The following MCHR2 variants were observed in gnomAD, a reference collection of about 807,000 sequenced individuals.
The protein encoded by MCHR2 is melanin-concentrating hormone receptor 2.
MCHR2 carries 15 observed loss-of-function variants against 24.8 expected under a neutral mutation model. The observed-to-expected ratio is 0.60, with a 90% CI of 0.40 to 0.93. The LOEUF is 0.93. MCHR2 is among the 40% of genes least tolerant of loss of function. The probability of loss-of-function intolerance (pLI) is 0.00; values close to 1 mark genes in which losing one functional copy is unlikely to be tolerated. For synonymous variants in MCHR2, 151 were observed against 147.6 expected (o/e 1.02, Z -0.17); for missense variants, 386 against 408.7 (o/e 0.94, Z 0.48).
chr6:99,992,739 G>A (rs900342281), intron 1 of MCHR2, among the ~76,000 whole-genome samples: 3 of 152,140 alleles, frequency 2.0e-5, no homozygotes, highest in Admixed American at 1.3e-4. Flanking sequence ...GCTAAGAGTC[G>A]AATAACATTG....
chr6:99,989,478 G>A (rs1168495008), intron 1 of MCHR2, among the ~76,000 whole-genome samples: 1 of 152,156 alleles, frequency 6.6e-6, no homozygotes, highest in East Asian at 1.9e-4. Flanking sequence ...CTAAGAGGGT[G>A]AGGATATTGC....
chr6:99,951,446 A>G (rs926172558), intron 2 of MCHR2, among the ~76,000 whole-genome samples: 4 of 152,112 alleles, frequency 2.6e-5, no homozygotes, highest in African/African-American at 9.7e-5. Context: ...CCCTAGATAC[A>G]TAGAGTGACA....
At chr6:99,957,385 G>C (rs1012640713) in intron 1 of MCHR2, among the ~76,000 whole-genome samples, 2 of 152,082 alleles carry the variant, frequency 1.3e-5, no homozygotes, top group East Asian at 3.9e-4. Context: ...TTGAGAGAGA[G>C]ATGTGATTTT....
chr6:99,923,736 C>T (rs984464086), intron 5 of MCHR2, among the ~76,000 whole-genome samples: 5 of 151,860 alleles, frequency 3.3e-5, no homozygotes, highest in East Asian at 1.9e-4. Context: ...AATTTACATA[C>T]GTTGAATCAT....
chr6:99,978,420 G>GGTT (rs575416071), intron 1 of MCHR2, among the ~76,000 whole-genome samples: 1 of 104,192 alleles, frequency 9.6e-6, no homozygotes. Flanking sequence ...GGTCAAGACA[G>GGTT]TTTTTTTTTT....
chr6:99,930,939 T>C (rs1206712109), intron 5 of MCHR2, among the ~76,000 whole-genome samples: 1 of 152,206 alleles, frequency 6.6e-6, no homozygotes, highest in African/African-American at 2.4e-5. Context: ...TTTCCAGTTT[T>C]TCTGCTCTGT....
intron 1 of MCHR2, among the ~76,000 whole-genome samples, chr6:99,977,703 C>G (rs1241367368): frequency 1.3e-5 from 2 of 151,912 alleles, no homozygotes; most frequent in Non-Finnish European, 2.9e-5. Flanking sequence ...GGCTACTATG[C>G]CTAGTGGATA....
intron 1 of MCHR2, among the ~76,000 whole-genome samples, chr6:99,973,656 T>C (rs909205388): frequency 6.6e-6 from 1 of 152,184 alleles, no homozygotes; most frequent in Admixed American, 6.5e-5. Flanking sequence ...TTCCTAGCCT[T>C]GATGGTCTTT....
At chr6:99,950,613 A>T (rs1182053322) in intron 2 of MCHR2, among the ~76,000 whole-genome samples, 1 of 152,128 alleles carries the variant, frequency 6.6e-6, no homozygotes, top group East Asian at 1.9e-4. Flanking sequence ...TACTAATACT[A>T]TTAAGTAAAA....
chr6:99,953,982 G>A (rs1001998622), intron 2 of MCHR2, among the ~76,000 whole-genome samples: 3 of 151,934 alleles, frequency 2.0e-5, no homozygotes, highest in South Asian at 2.1e-4. Flanking sequence ...CTGATGAGAC[G>A]CCACCTGGGG....
At chr6:99,967,155 T>C (rs1228223790) in intron 1 of MCHR2, among the ~76,000 whole-genome samples, 4 of 134,052 alleles carry the variant, frequency 3.0e-5, no homozygotes, top group Non-Finnish European at 6.8e-5. Context: ...AAGATTGTTT[T>C]TCTTAAAAAA....
chr6:99,976,799 A>G (rs976943949), intron 1 of MCHR2, among the ~76,000 whole-genome samples: 2 of 152,222 alleles, frequency 1.3e-5, no homozygotes, highest in Non-Finnish European at 2.9e-5. Context: ...TGCTAAGGTA[A>G]GGCCTGCTGA....
chr6:99,922,071 C>T (rs944184678), intron 5 of MCHR2, among the ~76,000 whole-genome samples: 3 of 151,338 alleles, frequency 2.0e-5, no homozygotes, highest in African/African-American at 7.3e-5. Context: ...ATTTATATAG[C>T]CAAGCTTTTC....
chr6:99,930,058 TG>T (rs1157349635), intron 5 of MCHR2, among the ~76,000 whole-genome samples: 10 of 151,310 alleles, frequency 6.6e-5, no homozygotes, highest in South Asian at 2.1e-4. Context: ...TCTCAGCATT[TG>T]CTTGTCTGTA....
At chr6:99,992,381 C>A (rs544446572) in intron 1 of MCHR2, among the ~76,000 whole-genome samples, 1 of 152,214 alleles carries the variant, frequency 6.6e-6, no homozygotes, top group African/African-American at 2.4e-5. Flanking sequence ...ATTTAGCCCA[C>A]AACTTGGGTT....
intron 1 of MCHR2, among the ~76,000 whole-genome samples, chr6:99,983,856 T>C (rs1775719388): frequency 6.6e-6 from 1 of 152,224 alleles, no homozygotes; most frequent in Non-Finnish European, 1.5e-5. Flanking sequence ...TATTCCATTA[T>C]AAGCCAATTT....
chr6:99,926,169 AT>A, intron 5 of MCHR2, among the ~76,000 whole-genome samples: 1 of 152,140 alleles, frequency 6.6e-6, no homozygotes, highest in South Asian at 2.1e-4. Context: ...TGAACTCATC[AT>A]TTTTTATGGC....
rs541513842 is a variant in MCHR2, at chr6:99,962,887, T to A, written c.-27-6713A>T. 2.3e-4 allele frequency among the ~76,000 whole-genome samples: 35 copies of A among 152,148 alleles called. 1 individual carries two copies. The South Asian group carries it at 7.3e-3, about 32-fold the overall frequency. Reference sequence around the variant, plus strand: ...AAATTATAGAAGGAACTCCTATAACTTAATATTGATAGCAAATAAGCAAAT... The same window carrying A: ...AAATTATAGAAGGAACTCCTATAACATAATATTGATAGCAAATAAGCAAAT... On this transcript the variant is annotated intron_variant, in intron 1 of 5. Transcript: ENST00000281806.
chr6:99,955,179 G>T (rs575556018), intron 2 of MCHR2, among the ~76,000 whole-genome samples: 9 of 152,272 alleles, frequency 5.9e-5, no homozygotes, highest in African/African-American at 1.7e-4. Flanking sequence ...AAACTTACAT[G>T]TGAAAATAAT....
Sources: allele counts gnomAD v4.1 joint callset (sites outside exome capture counted in the v4.1 genomes callset), GRCh38; gene constraint gnomAD v4.1.1; transcripts MANE v1.5; gene names NCBI Gene and HGNC (gene_info 2026-07-23, HGNC 2026-07-21).